The following PRELID2 variants were observed in gnomAD, a reference collection of about 807,000 sequenced individuals.
The protein encoded by PRELID2 is PRELI domain-containing protein 2.
A neutral mutation model predicts 28.4 loss-of-function variants in PRELID2; 25 were observed. The observed-to-expected ratio is 0.88, with a 90% CI of 0.64 to 1.23. The LOEUF (loss-of-function observed/expected upper bound fraction) is 1.23. PRELID2 is among the 50% of genes most tolerant of loss of function. The pLI, the probability that PRELID2 is intolerant of heterozygous loss-of-function variation, is 0.00. For synonymous variants in PRELID2, 76 were observed against 71.6 expected, an observed-to-expected ratio of 1.06 and a Z score of -0.31; for missense variants, 201 against 214.4, an observed-to-expected ratio of 0.94 and a Z score of 0.39.
At chr5:145,822,542 G>C (rs1410920914) in intron 2 of PRELID2, among the ~76,000 whole-genome samples, 1 of 152,092 alleles carries the variant, frequency 6.6e-6, no homozygotes, top group Non-Finnish European at 1.5e-5. Flanking sequence ...ACACTGCCTA[G>C]TAGTTGTGAT....
the PRELID2 span, among the ~76,000 whole-genome samples, chr5:145,371,094 A>G: frequency 6.6e-6 from 1 of 152,100 alleles, no homozygotes; most frequent in African/African-American, 2.4e-5. Context: ...GCCTATCTGA[A>G]TACCCTTTAT....
the PRELID2 span, among the ~76,000 whole-genome samples, chr5:145,326,774 T>C: frequency 6.6e-6 from 1 of 152,024 alleles, no homozygotes; most frequent in East Asian, 1.9e-4. Context: ...AAATGGGTCA[T>C]AGACCCATAG....
At chr5:145,773,943 C>T (rs1011753644) in intron 5 of PRELID2, among the ~76,000 whole-genome samples, 1 of 152,188 alleles carries the variant, frequency 6.6e-6, no homozygotes, top group African/African-American at 2.4e-5. Flanking sequence ...TGTATCTCTA[C>T]CCTTCTCCTT....
the PRELID2 span, among the ~76,000 whole-genome samples, chr5:145,315,226 C>T: frequency 8.3e-4 from 126 of 151,902 alleles, no homozygotes; most frequent in African/African-American, 2.6e-3. Flanking sequence ...CGTGCCACCA[C>T]GCCCAGCTAA....
At chr5:145,240,145 G>A in the PRELID2 span, among the ~76,000 whole-genome samples, 5 of 151,896 alleles carry the variant, frequency 3.3e-5, 1 homozygote, top group Admixed American at 1.3e-4. Flanking sequence ...ATGGTCTGAC[G>A]TTTTATGGCA....
chr5:145,606,744 G>A (rs181366868), intron 1 of PRELID2, among the ~76,000 whole-genome samples: 14 of 151,880 alleles, frequency 9.2e-5, no homozygotes, highest in East Asian at 1.9e-4. Context: ...ATTGTGTATC[G>A]GCCAGGTTTT....
At chr5:145,489,567 A>G (rs1383644781) in intron 1 of PRELID2, among the ~76,000 whole-genome samples, 1 of 152,200 alleles carries the variant, frequency 6.6e-6, no homozygotes, top group Non-Finnish European at 1.5e-5. Flanking sequence ...TTGTCATCTT[A>G]TATCCAGCAT....
At chr5:145,526,137 C>T (rs1385747644) in intron 1 of PRELID2, among the ~76,000 whole-genome samples, 1 of 152,180 alleles carries the variant, frequency 6.6e-6, no homozygotes, top group East Asian at 1.9e-4. Context: ...AGCCATGATG[C>T]TTTTACATGT....
chr5:145,469,374 G>T (rs1366539021), downstream of PRELID2, among the ~76,000 whole-genome samples: 1 of 151,974 alleles, frequency 6.6e-6, no homozygotes, highest in Non-Finnish European at 1.5e-5. Flanking sequence ...AAAACAGAAG[G>T]GTCCTTTACC....
In PRELID2 at chr5:145,823,059, A is replaced by C. The variant is rs1355744087; in HGVS notation, c.133+18T>G. 4 of 1,331,808 alleles carry C rather than the reference A, an allele frequency of 3.0e-6. No individual in the cohort carries two copies. Among genetic ancestry groups the C allele is most frequent in the Non-Finnish European group, 4.3e-6 (4 of 923,454 alleles). 82.5% of individuals were successfully genotyped at this position (1,331,808 alleles called of 1,614,324 possible). A position where few individuals can be genotyped will look rare whatever the true frequency, so the allele number is the denominator to read the frequency against. ...TCATTTAATGATCATTACTGAAAAAACTGTACAGAGAACTTACCTCTTTTT... is the reference window on the plus strand; with the variant it reads ...TCATTTAATGATCATTACTGAAAAACCTGTACAGAGAACTTACCTCTTTTT... On this transcript the variant is annotated intron_variant, in intron 2 of 6. Coordinates refer to ENST00000683046, the MANE Select transcript of PRELID2 (RefSeq NM_205846.3).
At chr5:145,452,993 C>T in the PRELID2 span, among the ~76,000 whole-genome samples, 37 of 152,138 alleles carry the variant, frequency 2.4e-4, no homozygotes, top group Non-Finnish European at 7.3e-5. Flanking sequence ...AAAGCAGATG[C>T]TATTTCTAGC....
At chr5:145,706,732 T>C (rs942115439) in intron 1 of PRELID2, among the ~76,000 whole-genome samples, 3 of 152,250 alleles carry the variant, frequency 2.0e-5, no homozygotes, top group African/African-American at 7.2e-5. Flanking sequence ...AACAGTGTTA[T>C]ACTTGTGGCA....
intron 1 of PRELID2, among the ~76,000 whole-genome samples, chr5:145,589,401 TG>T (rs1753196491): frequency 6.6e-6 from 1 of 152,148 alleles, no homozygotes; most frequent in African/African-American, 2.4e-5. Context: ...GTTAAAAGAG[TG>T]TAATTTACAT....
intron 1 of PRELID2, among the ~76,000 whole-genome samples, chr5:145,632,525 A>G (rs1753947183): frequency 6.6e-6 from 1 of 152,152 alleles, no homozygotes; most frequent in South Asian, 2.1e-4. Context: ...CACAAATATC[A>G]TATCACTTGT....
At chr5:145,729,291 A>G (rs1382006810) in intron 1 of PRELID2, 23 of 1,054,168 alleles carry the variant, frequency 2.2e-5, no homozygotes, top group Middle Eastern at 6.7e-4. Context: ...CCACAACTCA[A>G]ACAAATATTC....
At chr5:145,748,378 C>T (rs1757048411) in intron 1 of PRELID2, among the ~76,000 whole-genome samples, 1 of 152,014 alleles carries the variant, frequency 6.6e-6, no homozygotes, top group African/African-American at 2.4e-5. Context: ...TTCACAAATG[C>T]TACAAAGAGA....
intron 4 of PRELID2, among the ~76,000 whole-genome samples, chr5:145,806,946 CCT>C (rs1753556047): frequency 6.6e-6 from 1 of 152,118 alleles, no homozygotes; most frequent in Admixed American, 6.6e-5. Context: ...TATAAATTAC[CCT>C]GTCTCAGTTA....
At chr5:145,831,175 CACA>C (rs1755559753) in intron 1 of PRELID2, among the ~76,000 whole-genome samples, 1 of 152,200 alleles carries the variant, frequency 6.6e-6, no homozygotes, top group Non-Finnish European at 1.5e-5. Context: ...GTGACATCCT[CACA>C]ACAACCCTGG....
the PRELID2 span, among the ~76,000 whole-genome samples, chr5:145,369,441 G>A: frequency 6.6e-6 from 1 of 152,006 alleles, no homozygotes; most frequent in Non-Finnish European, 1.5e-5. Flanking sequence ...TTCCTGCAAA[G>A]GACATGATCT....
Sources: allele counts gnomAD v4.1 joint callset (sites outside exome capture counted in the v4.1 genomes callset), GRCh38; gene constraint gnomAD v4.1.1; transcripts MANE v1.5; gene names NCBI Gene and HGNC (gene_info 2026-07-23, HGNC 2026-07-21).